Variants in RPS6KA2 observed in about 807,000 individuals in gnomAD.
RPS6KA2 encodes the protein ribosomal protein S6 kinase alpha-2.
Under a neutral mutation model 91.8 loss-of-function variants are expected in RPS6KA2, and 42 were observed. That is an observed-to-expected ratio of 0.46 (90% CI 0.36 to 0.59). The LOEUF is 0.59. Ranked by LOEUF, RPS6KA2 falls within the 20% of genes least tolerant of loss-of-function variation. The probability of loss-of-function intolerance (pLI) is 0.00; values close to 1 mark genes in which losing one functional copy is unlikely to be tolerated. For missense variants in RPS6KA2, 798 were observed against 978.5 expected, an observed-to-expected ratio of 0.82 and a Z score of 2.46; for synonymous variants, 414 against 393.6, an observed-to-expected ratio of 1.05 and a Z score of -0.61.
intron 2 of RPS6KA2, among the ~76,000 whole-genome samples, chr6:166,677,632 T>C (rs1399311097): frequency 1.3e-5 from 2 of 152,214 alleles, no homozygotes; most frequent in African/African-American, 4.8e-5. Flanking sequence ...CAGGCATGTA[T>C]TTACCAACCT....
chr6:166,812,354 T>A (rs889135964), intron 2 of RPS6KA2, among the ~76,000 whole-genome samples: 1 of 151,844 alleles, frequency 6.6e-6, no homozygotes. Context: ...AGACTCCATC[T>A]CAAAAAAAAG....
chr6:166,789,941 A>C (rs1779038798), intron 2 of RPS6KA2, among the ~76,000 whole-genome samples: 2 of 152,250 alleles, frequency 1.3e-5, no homozygotes, highest in African/African-American at 4.8e-5. Context: ...TGGAAACTCT[A>C]AAAAGCAGAG....
intron 2 of RPS6KA2, among the ~76,000 whole-genome samples, chr6:166,832,766 C>T (rs540582977): frequency 1.8e-4 from 28 of 152,044 alleles, no homozygotes; most frequent in African/African-American, 6.8e-4. Context: ...TCAGAATTAG[C>T]GAAGATCATG....
chr6:166,448,985 G>T lies in RPS6KA2; in HGVS notation c.1207-136C>A. 1 of 1,015,698 alleles carries T rather than the reference G, an allele frequency of 9.8e-7. No individual in the cohort carries two copies. The highest frequency in any genetic ancestry group is 1.5e-6 in the Non-Finnish European group (1 of 687,762). 62.9% of individuals were successfully genotyped at this position (1,015,698 alleles called of 1,614,324 possible). A position where few individuals can be genotyped will look rare whatever the true frequency, so the allele number is the denominator to read the frequency against. On this transcript the variant is annotated intron_variant, in intron 13 of 20. Transcript: ENST00000265678. The surrounding 1 kb of genome is among the most constrained non-coding windows in gnomAD (Gnocchi z 4.7). ...TGTGTGGAGGCCTGGGAGCTCATGG[G>T]TCCCCCTGCCCAAGGCTGCAGAGCT... is the stretch of plus-strand genomic sequence containing the variant.
chr6:166,780,788 A>G (rs373224756), intron 2 of RPS6KA2, among the ~76,000 whole-genome samples: 1 of 152,344 alleles, frequency 6.6e-6, no homozygotes, highest in East Asian at 1.9e-4. Flanking sequence ...ACTAAGACTC[A>G]GGGCAAAAAA....
intron 2 of RPS6KA2, among the ~76,000 whole-genome samples, chr6:166,846,214 T>A (rs1780600922): frequency 8.7e-6 from 1 of 115,416 alleles, no homozygotes; most frequent in Non-Finnish European, 2.0e-5. Flanking sequence ...GAAGTGGTAA[T>A]TTTTAAATTG....
Position 166,544,368 on chromosome 6 carries a change from GCC to G in RPS6KA2, c.100-5586_100-5585del, listed in dbSNP as rs1299721444. On this transcript the variant is annotated intron_variant, in intron 1 of 20. Transcript: ENST00000265678. The stretch of plus-strand genomic sequence containing the variant: ...GTAGAGGGGAGTCTGTGCAGGAACA[GCC>G]CCCGGAGAGCGAGCTCCATCTGCGG... Among the ~76,000 whole-genome samples the G allele has an allele frequency of 4.6e-5, 7 of 152,286 alleles. No individual in the cohort carries two copies. The East Asian group carries it at 1.4e-3, about 29-fold the overall frequency.
intron 1 of RPS6KA2, among the ~76,000 whole-genome samples, chr6:166,572,142 T>C (rs1784708419): frequency 6.6e-6 from 1 of 152,212 alleles, no homozygotes; most frequent in African/African-American, 2.4e-5. Flanking sequence ...CCTACATAGA[T>C]ATAAATTCAA....
intron 2 of RPS6KA2, among the ~76,000 whole-genome samples, chr6:166,796,882 G>A (rs1243858652): frequency 1.3e-5 from 2 of 152,194 alleles, no homozygotes; most frequent in African/African-American, 4.8e-5. Context: ...GCACCCATGT[G>A]GCACACTTAC....
chr6:166,839,627 G>T (rs1780407251), intron 2 of RPS6KA2, among the ~76,000 whole-genome samples: 2 of 138,404 alleles, frequency 1.4e-5, no homozygotes, highest in Admixed American at 7.4e-5. Context: ...AAAAATAGAT[G>T]CCATCCCAAT....
chr6:166,470,980 T>C (rs9366013), intron 10 of RPS6KA2, among the ~76,000 whole-genome samples: 76,744 of 151,774 alleles, frequency 0.51, 19,517 homozygotes, highest in South Asian at 0.6. Flanking sequence ...GAAGGGGCAG[T>C]GGCGGCGGTG....
intron 2 of RPS6KA2, among the ~76,000 whole-genome samples, chr6:166,782,718 C>T (rs982771275): frequency 5.3e-5 from 8 of 152,118 alleles, no homozygotes; most frequent in African/African-American, 1.4e-4. Flanking sequence ...AGGAGAGAGC[C>T]GGGGCCCTAC....
At chr6:166,659,200 A>C (rs1464606951) in intron 2 of RPS6KA2, among the ~76,000 whole-genome samples, 1 of 152,258 alleles carries the variant, frequency 6.6e-6, no homozygotes, top group African/African-American at 2.4e-5. Flanking sequence ...AAAAAAATTA[A>C]GACAAAAAGT....
intron 8 of RPS6KA2, among the ~76,000 whole-genome samples, chr6:166,497,357 G>C (rs1781825874): frequency 6.6e-6 from 1 of 152,266 alleles, no homozygotes; most frequent in Admixed American, 6.5e-5. Flanking sequence ...CACTTTACAG[G>C]CAGGAATGAC....
intron 10 of RPS6KA2, among the ~76,000 whole-genome samples, chr6:166,483,365 A>C (rs1328496102): frequency 6.6e-6 from 1 of 152,216 alleles, no homozygotes; most frequent in African/African-American, 2.4e-5. Flanking sequence ...AGAAGCTCAC[A>C]GAGCTGGGGC....
intron 10 of RPS6KA2, among the ~76,000 whole-genome samples, chr6:166,481,792 A>AG (rs1399757340): frequency 2.0e-5 from 3 of 150,962 alleles, no homozygotes; most frequent in Non-Finnish European, 2.9e-5. Context: ...GCCTCTGCTG[A>AG]GTTCTCTGAT....
At chr6:166,858,171 GC>G (rs776034665) in intron 2 of RPS6KA2, 2 of 1,344,244 alleles carry the variant, frequency 1.5e-6, no homozygotes, top group South Asian at 2.3e-5. Flanking sequence ...CCCAAACAAA[GC>G]AGAGTGTAAT....
intron 1 of RPS6KA2, among the ~76,000 whole-genome samples, chr6:166,565,550 T>C (rs1188928756): frequency 6.6e-6 from 1 of 152,168 alleles, no homozygotes; most frequent in African/African-American, 2.4e-5. Context: ...AACCATGTGG[T>C]CCATGTCTGG....
chr6:166,811,822 A>T (rs1779646052), intron 2 of RPS6KA2, among the ~76,000 whole-genome samples: 3 of 152,236 alleles, frequency 2.0e-5, no homozygotes, highest in Admixed American at 2.0e-4. Flanking sequence ...TATCATATAC[A>T]TAATTACTAG....
Sources: allele counts gnomAD v4.1 joint callset (sites outside exome capture counted in the v4.1 genomes callset), GRCh38; gene constraint gnomAD v4.1.1; non-coding constraint Gnocchi (gnomAD v3.1); transcripts MANE v1.5; gene names NCBI Gene and HGNC (gene_info 2026-07-23, HGNC 2026-07-21).